The following SYNPO2 variants were observed in gnomAD, a reference collection of about 807,000 sequenced individuals.
The protein encoded by SYNPO2 is synaptopodin 2, also known as synaptopodin-2.
SYNPO2 carries 56 observed loss-of-function variants against 85.0 expected under a neutral mutation model. The ratio of observed to expected loss-of-function variants is 0.66; its 90% CI spans 0.53 to 0.82. The LOEUF (loss-of-function observed/expected upper bound fraction) is 0.82. SYNPO2 is among the 40% of genes least tolerant of loss of function. The probability of loss-of-function intolerance (pLI) is 0.00; values close to 1 mark genes in which losing one functional copy is unlikely to be tolerated. For missense variants in SYNPO2, 1,575 were observed against 1,534.2 expected (o/e 1.03, Z -0.44); for synonymous variants, 602 against 591.1 (o/e 1.02, Z -0.27).
intron 1 of SYNPO2, among the ~76,000 whole-genome samples, chr4:118,914,398 A>C (rs115269704): frequency 6.6e-6 from 1 of 152,126 alleles, no homozygotes; most frequent in Non-Finnish European, 1.5e-5. Context: ...GAGAAGACCA[A>C]TAATTAAAGT....
Position 119,027,218 on chromosome 4 carries a change from G to A in SYNPO2, c.849G>A (p.Arg283=), listed in dbSNP as rs140689782. 1 of 1,614,160 alleles carries A rather than the reference G, an allele frequency of 6.2e-7. No homozygotes were observed. The highest frequency in any genetic ancestry group is 8.5e-7 in the Non-Finnish European group (1 of 1,180,036). Residue 283 remains arginine, a synonymous_variant, in exon 3 of 5, where the codon CGG becomes CGA. Transcript: ENST00000307142. ...AAGCAGGAGATGCGGGACTGCCCCG[G>A]GTGGAAGTGATCCTCGACTGCTCTG... The part of the protein sequence containing the change: ...ESEAGDAGLP[R]VEVILDCSDR...
chr4:119,008,856 T>C (rs959539754), intron 1 of SYNPO2, among the ~76,000 whole-genome samples: 1 of 152,176 alleles, frequency 6.6e-6, no homozygotes, highest in African/African-American at 2.4e-5. Flanking sequence ...GAAGATGCCA[T>C]ATTATTTACA....
chr4:118,963,289 A>T (rs1735177084), intron 1 of SYNPO2, among the ~76,000 whole-genome samples: 1 of 152,194 alleles, frequency 6.6e-6, no homozygotes, highest in South Asian at 2.1e-4. Flanking sequence ...ATAAACTTTT[A>T]TCATATTTGT....
intron 4 of SYNPO2, among the ~76,000 whole-genome samples, chr4:119,050,539 C>G (rs987027783): frequency 1.2e-4 from 19 of 152,110 alleles, no homozygotes; most frequent in Admixed American, 1.2e-3. Flanking sequence ...CTCTACTTCA[C>G]GGGGTTGTGA....
chr4:118,871,487 T>C (rs1449944970), intron 1 of SYNPO2, among the ~76,000 whole-genome samples: 2 of 152,146 alleles, frequency 1.3e-5, no homozygotes, highest in Non-Finnish European at 2.9e-5. Flanking sequence ...TACCGGAATA[T>C]GTGCTTGTAG....
chr4:118,862,573 A>G (rs796277992), intron 1 of SYNPO2, among the ~76,000 whole-genome samples: 11 of 152,306 alleles, frequency 7.2e-5, no homozygotes, highest in African/African-American at 2.2e-4. Context: ...TTCAGCATCA[A>G]TTGAAATGAT....
chr4:118,863,027 T>C (rs1031742115), intron 1 of SYNPO2, among the ~76,000 whole-genome samples: 1 of 152,192 alleles, frequency 6.6e-6, no homozygotes, highest in Non-Finnish European at 1.5e-5. Flanking sequence ...GCCAGGCTGC[T>C]CTGGAACTCC....
intron 1 of SYNPO2, among the ~76,000 whole-genome samples, chr4:118,951,238 G>A (rs1472722142): frequency 6.6e-6 from 1 of 152,192 alleles, no homozygotes; most frequent in Non-Finnish European, 1.5e-5. Flanking sequence ...GTGCCAGCAG[G>A]TATCTGTCTG....
rs138262112 is a variant in SYNPO2 at position 119,031,075 on chromosome 4, C to T, written c.2300C>T (p.Ser767Phe). Residue 767 changes from serine (S) to phenylalanine (F), a missense_variant, in exon 4 of 5, where the codon TCC (serine) becomes TTC (phenylalanine). Around this residue, in one of 3 missense-constraint regions of SYNPO2, gnomAD observed 1,508 missense variants for 1,446.8 expected, o/e 1.04. Coordinates refer to ENST00000307142, the MANE Select transcript of SYNPO2 (RefSeq NM_133477.3). The part of the protein sequence containing the change: ...PPVAPKPAVK[S>F]SSSQPVTPVS... ...GTTGCTCCAAAACCTGCAGTCAAGT[C>T]CTCATCCTCCCAACCAGTAACTCCA... The T allele has an allele frequency of 1.1e-5, 18 of 1,614,132 alleles. No individual in the cohort carries two copies. In the African/African-American group the frequency reaches 2.4e-4, roughly 22 times the overall value.
intron 1 of SYNPO2, among the ~76,000 whole-genome samples, chr4:118,983,342 A>T (rs906434544): frequency 2.6e-5 from 4 of 151,716 alleles, no homozygotes; most frequent in Non-Finnish European, 4.4e-5. Flanking sequence ...TTCACACTAG[A>T]TTCCTTGAAA....
At chr4:118,951,990 T>C (rs967253278) in intron 1 of SYNPO2, among the ~76,000 whole-genome samples, 1 of 151,726 alleles carries the variant, frequency 6.6e-6, no homozygotes, top group African/African-American at 2.4e-5. Flanking sequence ...AAGTAAGGAG[T>C]CTTAAAAGGG....
At position 118,961,105 on chromosome 4, in the gene SYNPO2, C is replaced by CCG. The variant is rs1553941457; in HGVS notation, c.106-62324_106-62323insGC. 2.5e-5 allele frequency among the ~76,000 whole-genome samples: 3 copies of CCG among 117,896 alleles called. 1 individual carries two copies. Among genetic ancestry groups the CCG allele is most frequent in the Admixed American group, 1.9e-4 (2 of 10,538 alleles). 77.3% of individuals were successfully genotyped at this position (117,896 alleles called of 152,430 possible). A position where few individuals can be genotyped will look rare whatever the true frequency, so the allele number is the denominator to read the frequency against. The stretch of plus-strand genomic sequence containing the variant: ...AACTGGGGGCTATTTTACCGCCCCC[C>CCG]CCCCACCCCTCCAGGGACACTTGGC... On this transcript the variant is annotated intron_variant, in intron 1 of 4. Transcript: ENST00000307142.
intron 1 of SYNPO2, among the ~76,000 whole-genome samples, chr4:118,905,445 T>C (rs575793477): frequency 1.8e-4 from 26 of 146,442 alleles, no homozygotes; most frequent in African/African-American, 6.8e-4. Flanking sequence ...TGTGTGTGCG[T>C]GTGTGTGTGT....
intron 1 of SYNPO2, among the ~76,000 whole-genome samples, chr4:118,913,184 A>G (rs904107145): frequency 2.0e-5 from 3 of 152,226 alleles, no homozygotes; most frequent in South Asian, 2.1e-4. Flanking sequence ...ATACAAGATG[A>G]CAAGGCTTTA....
At chr4:118,878,087 T>C (rs1435155508) in intron 1 of SYNPO2, among the ~76,000 whole-genome samples, 4 of 152,200 alleles carry the variant, frequency 2.6e-5, no homozygotes, top group Non-Finnish European at 4.4e-5. Context: ...GCCATTATCC[T>C]CAGCAAACCA....
At chr4:119,001,946 G>T (rs1464388364) in intron 1 of SYNPO2, among the ~76,000 whole-genome samples, 1 of 152,100 alleles carries the variant, frequency 6.6e-6, no homozygotes, top group East Asian at 1.9e-4. Flanking sequence ...CACAACGGAA[G>T]ATGAAGATAA....
chr4:119,057,374 A>T (rs1168003147), intron 4 of SYNPO2, 27 bp from the exon 5 acceptor site: 2 of 1,538,640 alleles, frequency 1.3e-6, no homozygotes, highest in East Asian at 4.5e-5. Context: ...AATGAATGAG[A>T]TATATTAATA....
intron 1 of SYNPO2, among the ~76,000 whole-genome samples, chr4:118,867,449 G>A (rs1473203172): frequency 7.1e-6 from 1 of 141,126 alleles, no homozygotes; most frequent in East Asian, 2.1e-4. Context: ...ATTCCTTGTG[G>A]TTCCTATTAG....
intron 4 of SYNPO2, among the ~76,000 whole-genome samples, chr4:119,054,573 G>A (rs768771093): frequency 9.2e-5 from 14 of 152,212 alleles, no homozygotes; most frequent in Non-Finnish European, 1.0e-4. Flanking sequence ...CATCTCCCTC[G>A]AAGTCCAGCT....
Sources: allele counts gnomAD v4.1 joint callset (sites outside exome capture counted in the v4.1 genomes callset), GRCh38; gene constraint gnomAD v4.1.1; regional missense constraint gnomAD v4.1.1; transcripts MANE v1.5; gene names NCBI Gene and HGNC (gene_info 2026-07-23, HGNC 2026-07-21).